C12orf56: variants seen among roughly 807,000 people sequenced by gnomAD.
C12orf56 encodes uncharacterized protein C12orf56.
C12orf56 carries 71 observed loss-of-function variants against 69.9 expected under a neutral mutation model. That is an observed-to-expected ratio of 1.02 (90% CI 0.84 to 1.24). The LOEUF (loss-of-function observed/expected upper bound fraction) is 1.24. Ranked by LOEUF, C12orf56 falls within the 50% of genes most tolerant of loss-of-function variation. The pLI, the probability that C12orf56 is intolerant of heterozygous loss-of-function variation, is 0.00. For synonymous variants in C12orf56, 276 were observed against 274.1 expected (o/e 1.01, Z -0.07); for missense variants, 732 against 738.5 (o/e 0.99, Z 0.10).
intron 8 of C12orf56, among the ~76,000 whole-genome samples, chr12:64,281,669 A>G (rs910212501): frequency 6.6e-6 from 1 of 152,234 alleles, no homozygotes. Flanking sequence ...CTAGGGATAT[A>G]AAAACTGGCT....
intron 2 of C12orf56, among the ~76,000 whole-genome samples, chr12:64,351,251 C>T (rs2039218256): frequency 6.6e-6 from 1 of 152,184 alleles, no homozygotes; most frequent in African/African-American, 2.4e-5. Context: ...ATCCTTTTCT[C>T]TCACTTGTTA....
intron 1 of C12orf56, among the ~76,000 whole-genome samples, chr12:64,358,972 A>T (rs1282007271): frequency 6.6e-6 from 1 of 152,196 alleles, no homozygotes; most frequent in African/African-American, 2.4e-5. Context: ...AGTTCAGGAC[A>T]TACTACTCCA....
rs781161194 is a variant in C12orf56, at chr12:64,286,073, G to C, written c.1114-13C>G. On this transcript the variant is annotated splice_polypyrimidine_tract_variant and intron_variant, in intron 6 of 12. Transcript: ENST00000543942. ...AAAGGTCACTGGTCTGTGAAAGCAA[G>C]TTGGAAAAAAAGACAGTAATTAAGG... The C allele has an allele frequency of 6.6e-7, 1 of 1,518,562 alleles. No individual in the cohort carries two copies. Among genetic ancestry groups the C allele is most frequent in the South Asian group, 1.2e-5 (1 of 84,308 alleles). 94.1% of individuals were successfully genotyped at this position (1,518,562 alleles called of 1,614,324 possible). A position where few individuals can be genotyped will look rare whatever the true frequency, so the allele number is the denominator to read the frequency against.
intron 1 of C12orf56, among the ~76,000 whole-genome samples, chr12:64,353,877 C>T (rs1365094784): frequency 6.6e-6 from 1 of 152,058 alleles, no homozygotes; most frequent in Non-Finnish European, 1.5e-5. Context: ...GATGGGGTTT[C>T]ACCATGTGGG....
At chr12:64,333,754 G>C (rs1039435130) in intron 2 of C12orf56, among the ~76,000 whole-genome samples, 2 of 152,096 alleles carry the variant, frequency 1.3e-5, no homozygotes, top group African/African-American at 4.8e-5. Context: ...CGCCCACCTT[G>C]GCCTCCCAAT....
chr12:64,373,462 G>C (rs2039600867), intron 1 of C12orf56, among the ~76,000 whole-genome samples: 1 of 152,062 alleles, frequency 6.6e-6, no homozygotes, highest in Non-Finnish European at 1.5e-5. Flanking sequence ...AAAAAATAAA[G>C]AAAACAAAAC....
chr12:64,365,601 C>T (rs1478840813), intron 1 of C12orf56, among the ~76,000 whole-genome samples: 2 of 150,478 alleles, frequency 1.3e-5, no homozygotes, highest in African/African-American at 2.4e-5. Context: ...CACAAACTGA[C>T]GCACAAAATA....
intron 6 of C12orf56, 64 bp downstream of exon 6, chr12:64,303,571 A>G (rs1390258004): frequency 1.6e-6 from 2 of 1,254,902 alleles, no homozygotes. Context: ...ATTTTAATGT[A>G]TGTTTGTATT....
chr12:64,298,896 A>G (rs2038406029), intron 6 of C12orf56, among the ~76,000 whole-genome samples: 1 of 152,206 alleles, frequency 6.6e-6, no homozygotes. Flanking sequence ...ACTTTAAAGC[A>G]GTTCTTTCCA....
chr12:64,276,993 T>TAAAAAAAAAAAA (rs200351319), intron 9 of C12orf56, among the ~76,000 whole-genome samples: 9,329 of 68,002 alleles, frequency 0.14, 1,815 homozygotes, highest in Non-Finnish European at 0.15. Flanking sequence ...AACCCTTTCT[T>TAAAAAAAAAAAA]AAAAAAAAAA....
intron 1 of C12orf56, among the ~76,000 whole-genome samples, chr12:64,376,738 T>G (rs2039646987): frequency 1.3e-5 from 2 of 152,148 alleles, no homozygotes. Context: ...TGCATTAATT[T>G]GCTGAGGATA....
intron 2 of C12orf56, among the ~76,000 whole-genome samples, chr12:64,336,183 A>G (rs375980237): frequency 1.3e-5 from 2 of 152,174 alleles, no homozygotes; most frequent in Non-Finnish European, 2.9e-5. Flanking sequence ...GCATAATGGA[A>G]AAGGGGAGTG....
rs1049270426 is a variant in C12orf56, at chr12:64,314,864, T to A, written c.895-2112A>T. Among the ~76,000 whole-genome samples the A allele has an allele frequency of 9.3e-5, 14 of 150,316 alleles. 1 individual carries two copies. Among genetic ancestry groups the A allele is most frequent in the South Asian group, 2.1e-4 (1 of 4,720 alleles). On this transcript the variant is annotated intron_variant, in intron 4 of 12. Transcript: ENST00000543942. ...GTTAGCCAGGAAGATCTCGATCTCCTGACCTCCTGATCCGCCCGCCTCGGC... is the reference window on the plus strand; with the variant it reads ...GTTAGCCAGGAAGATCTCGATCTCCAGACCTCCTGATCCGCCCGCCTCGGC...
At chr12:64,356,198 A>C (rs576082077) in intron 1 of C12orf56, among the ~76,000 whole-genome samples, 37 of 150,164 alleles carry the variant, frequency 2.5e-4, no homozygotes, top group Admixed American at 7.3e-4. Flanking sequence ...AAAAAAAAAA[A>C]ACCATACATT....
chr12:64,317,593 C>CAAAAA (rs1332045770), intron 4 of C12orf56, among the ~76,000 whole-genome samples: 1 of 152,014 alleles, frequency 6.6e-6, no homozygotes, highest in Non-Finnish European at 1.5e-5. Context: ...AACCCCGTCT[C>CAAAAA]TACCAAAAAT....
chr12:64,359,100 A>G (rs2039362172), intron 1 of C12orf56, among the ~76,000 whole-genome samples: 1 of 152,264 alleles, frequency 6.6e-6, no homozygotes, highest in South Asian at 2.1e-4. Flanking sequence ...TAATTTTCTA[A>G]CCTTCTTTTG....
intron 6 of C12orf56, among the ~76,000 whole-genome samples, chr12:64,298,309 A>T (rs530201267): frequency 3.7e-4 from 57 of 152,006 alleles, no homozygotes; most frequent in African/African-American, 1.3e-3. Flanking sequence ...GATTGCAAAA[A>T]TTTTCTCTCG....
In C12orf56 at chr12:64,390,493, G is replaced by A. The variant is rs377465987; in HGVS notation, c.73C>T (p.Leu25=). 7.5e-6 allele frequency: 12 copies of A among 1,602,234 alleles called. No homozygotes were observed. The highest frequency in any genetic ancestry group is 1.3e-5 in the African/African-American group (1 of 74,908). ...SRLDVFLRRH[L]PPEVYDAVRA... ...ACCGCGTCGTAGACCTCGGGCGGCA[G>A]ATGCCGCCGCAGGAACACATCCAGG... The change falls in exon 1 of 13, where the codon CTG becomes TTG. Residue 25 remains leucine (L), a synonymous_variant. Coordinates refer to ENST00000543942, the MANE Select transcript of C12orf56 (RefSeq NM_001170633.2).
intron 4 of C12orf56, 103 bp from the exon 5 acceptor site, chr12:64,312,855 T>C (rs1341940016): frequency 1.3e-6 from 1 of 743,004 alleles, no homozygotes; most frequent in Non-Finnish European, 2.1e-6. Context: ...AGCCCTCCTA[T>C]AGTACACGAT....
Sources: gnomAD v4.1 joint callset for allele counts (sites outside exome capture counted in the v4.1 genomes callset) on GRCh38, gnomAD v4.1.1 for gene constraint, MANE v1.5 for transcripts, NCBI Gene and HGNC (gene_info 2026-07-23, HGNC 2026-07-21) for gene names.